LRRTM4: variants seen among roughly 807,000 people sequenced by gnomAD.
The protein encoded by LRRTM4 is leucine-rich repeat transmembrane neuronal protein 4.
A neutral mutation model predicts 47.6 loss-of-function variants in LRRTM4; 25 were observed. The ratio of observed to expected loss-of-function variants is 0.53; its 90% CI spans 0.38 to 0.73. The LOEUF (loss-of-function observed/expected upper bound fraction) is 0.73, where lower values mean the gene tolerates loss of function less well. Among genes scored for constraint, LRRTM4 ranks in the 30% least tolerant of loss-of-function variants. The pLI, the probability that LRRTM4 is intolerant of heterozygous loss-of-function variation, is 0.00. For missense variants in LRRTM4, 638 were observed against 713.4 expected, an observed-to-expected ratio of 0.89 and a Z score of 1.20; for synonymous variants, 311 against 269.5, an observed-to-expected ratio of 1.15 and a Z score of -1.51.
chr2:77,271,323 A>G (rs527278703), intron 3 of LRRTM4, among the ~76,000 whole-genome samples: 149 of 152,176 alleles, frequency 9.8e-4, no homozygotes, highest in African/African-American at 3.4e-3. Flanking sequence ...ATACACCACC[A>G]TCTATCGGAC....
intron 3 of LRRTM4, among the ~76,000 whole-genome samples, chr2:76,896,236 G>A (rs985783287): frequency 4.6e-5 from 7 of 151,536 alleles, no homozygotes; most frequent in African/African-American, 1.5e-4. Flanking sequence ...ACAGACACAC[G>A]ATTTAGCCTC....
At chr2:77,358,603 A>C (rs1347436085) in intron 3 of LRRTM4, among the ~76,000 whole-genome samples, 1 of 152,206 alleles carries the variant, frequency 6.6e-6, no homozygotes, top group South Asian at 2.1e-4. Context: ...TATTTTTAAT[A>C]AGATAATTAT....
At chr2:77,165,984 T>G (rs1672873178) in intron 3 of LRRTM4, among the ~76,000 whole-genome samples, 1 of 152,074 alleles carries the variant, frequency 6.6e-6, no homozygotes, top group African/African-American at 2.4e-5. Context: ...GAGAAAGAAA[T>G]AGAGGGAATT....
At chr2:77,028,870 C>G (rs1678544945) in intron 3 of LRRTM4, among the ~76,000 whole-genome samples, 1 of 151,304 alleles carries the variant, frequency 6.6e-6, no homozygotes. Flanking sequence ...CACATCTCTA[C>G]TAAAAATACA....
chr2:77,335,472 G>T (rs1038099842), intron 3 of LRRTM4, among the ~76,000 whole-genome samples: 3 of 152,072 alleles, frequency 2.0e-5, no homozygotes, highest in Non-Finnish European at 4.4e-5. Flanking sequence ...TTTCCCCATA[G>T]CCAATGCTCA....
intron 3 of LRRTM4, among the ~76,000 whole-genome samples, chr2:76,829,100 T>G (rs1031890844): frequency 5.9e-5 from 9 of 151,960 alleles, no homozygotes; most frequent in African/African-American, 2.2e-4. Context: ...TCCACAGTCT[T>G]AGACATCAGG....
intron 3 of LRRTM4, among the ~76,000 whole-genome samples, chr2:76,843,799 T>C (rs1433997908): frequency 6.6e-6 from 1 of 152,192 alleles, no homozygotes. Flanking sequence ...ACTACTTATA[T>C]GTATCTTCAA....
intron 3 of LRRTM4, among the ~76,000 whole-genome samples, chr2:76,911,055 T>C (rs1558732957): frequency 6.6e-6 from 1 of 152,208 alleles, no homozygotes; most frequent in South Asian, 2.1e-4. Flanking sequence ...TTTTGATTCA[T>C]AATAGTTACA....
intron 3 of LRRTM4, among the ~76,000 whole-genome samples, chr2:76,853,500 T>G (rs1293408325): frequency 6.6e-6 from 1 of 152,140 alleles, no homozygotes; most frequent in Non-Finnish European, 1.5e-5. Context: ...CCTTTAGATA[T>G]TAGAGTTATC....
intron 3 of LRRTM4, among the ~76,000 whole-genome samples, chr2:76,905,056 T>C (rs1673777165): frequency 6.6e-6 from 1 of 152,150 alleles, no homozygotes; most frequent in African/African-American, 2.4e-5. Context: ...CAAGTGGGTC[T>C]CTGACCCCCT....
At chr2:77,178,743 C>T (rs952214062) in intron 3 of LRRTM4, among the ~76,000 whole-genome samples, 2 of 152,064 alleles carry the variant, frequency 1.3e-5, no homozygotes, top group African/African-American at 4.8e-5. Flanking sequence ...TTATTGCAAA[C>T]ACATTTTGGC....
chr2:76,758,317 A>T (rs1032401799), intron 3 of LRRTM4, among the ~76,000 whole-genome samples: 2 of 152,162 alleles, frequency 1.3e-5, no homozygotes, highest in African/African-American at 4.8e-5. Flanking sequence ...GAAGTGATTG[A>T]ATTTCTTTCT....
At chr2:77,018,990 G>GA (rs1001755404) in intron 3 of LRRTM4, among the ~76,000 whole-genome samples, 22 of 151,248 alleles carry the variant, frequency 1.5e-4, no homozygotes, top group Admixed American at 2.0e-4. Flanking sequence ...AGTTTCTAAA[G>GA]AAAAAAAATG....
At chr2:76,800,516 G>A (rs1393500444) in intron 3 of LRRTM4, among the ~76,000 whole-genome samples, 4 of 145,362 alleles carry the variant, frequency 2.8e-5, no homozygotes, top group South Asian at 2.2e-4. Context: ...GAAAACCTAG[G>A]CATTACCATT....
chr2:77,393,434 G>C (rs758626576), intron 3 of LRRTM4, among the ~76,000 whole-genome samples: 38 of 151,918 alleles, frequency 2.5e-4, no homozygotes, highest in Non-Finnish European at 5.0e-4. Flanking sequence ...GTCTCACCAG[G>C]GGAAAAGGTG....
At position 76,980,199 on chromosome 2, in the gene LRRTM4, C is replaced by T. The variant is rs1246763149; in HGVS notation, c.1552-231283G>A. On this transcript the variant is annotated intron_variant, in intron 3 of 3. Coordinates refer to ENST00000409884, the MANE Select transcript of LRRTM4 (RefSeq NM_001134745.3). ...CAAGACAGAAAAATGTAATAGAGGC[C>T]CAAAGAAAAGCGAAAATGAGAAATG... Among the ~76,000 whole-genome samples, 3 of 151,746 alleles carry T rather than the reference C, an allele frequency of 2.0e-5. No individual in the cohort carries two copies. The East Asian group carries it at 5.8e-4, about 30-fold the overall frequency.
intron 3 of LRRTM4, among the ~76,000 whole-genome samples, chr2:77,380,012 T>C (rs941561172): frequency 2.6e-5 from 4 of 152,120 alleles, no homozygotes; most frequent in Non-Finnish European, 5.9e-5. Flanking sequence ...CATTAGGTAA[T>C]ACTTTTTAAG....
intron 3 of LRRTM4, among the ~76,000 whole-genome samples, chr2:77,429,801 C>T (rs920659081): frequency 6.6e-6 from 1 of 152,186 alleles, no homozygotes; most frequent in Admixed American, 6.5e-5. Context: ...TGGGGTGTCT[C>T]ATGCCTGTAA....
chr2:77,444,169 A>T (rs1416224791), intron 3 of LRRTM4, among the ~76,000 whole-genome samples: 1 of 152,136 alleles, frequency 6.6e-6, no homozygotes, highest in Non-Finnish European at 1.5e-5. Flanking sequence ...TTTCTTATCA[A>T]TATAACACCC....
Sources: gnomAD v4.1 joint callset for allele counts (sites outside exome capture counted in the v4.1 genomes callset) on GRCh38, gnomAD v4.1.1 for gene constraint, MANE v1.5 for transcripts, NCBI Gene and HGNC (gene_info 2026-07-23, HGNC 2026-07-21) for gene names.